The following MAF variants were observed in gnomAD, a reference collection of about 807,000 sequenced individuals.
MAF encodes transcription factor Maf.
A neutral mutation model predicts 22.0 loss-of-function variants in MAF; 10 were observed. The observed-to-expected ratio is 0.45, with a 90% CI of 0.28 to 0.77. MAF has a LOEUF of 0.77. Among genes scored for constraint, MAF ranks in the 30% least tolerant of loss-of-function variants. MAF has a pLI of 0.12. For missense variants in MAF, 544 were observed against 548.4 expected, an observed-to-expected ratio of 0.99 and a Z score of 0.08; for synonymous variants, 337 against 255.8, an observed-to-expected ratio of 1.32 and a Z score of -3.03.
chr16:79,450,180 T>C, the MAF span, among the ~76,000 whole-genome samples: 4 of 152,316 alleles, frequency 2.6e-5, no homozygotes, highest in Admixed American at 2.6e-4. Context: ...ACGAGTAAAG[T>C]GTTGTTTAAA....
At chr16:79,310,103 C>A in the MAF span, among the ~76,000 whole-genome samples, 1 of 152,052 alleles carries the variant, frequency 6.6e-6, no homozygotes, top group African/African-American at 2.4e-5. Context: ...GTGAGCATTT[C>A]CCCCCCGATT....
the MAF span, among the ~76,000 whole-genome samples, chr16:79,485,108 G>A: frequency 1.8e-4 from 27 of 152,286 alleles, no homozygotes; most frequent in Middle Eastern, 6.8e-3. Context: ...AGCATGAGAC[G>A]TGGTATAGAT....
At chr16:79,586,137 G>T (rs1290919183) in intron 1 of MAF, among the ~76,000 whole-genome samples, 1 of 152,182 alleles carries the variant, frequency 6.6e-6, no homozygotes, top group Non-Finnish European at 1.5e-5. Flanking sequence ...TGACGTGGAA[G>T]GGAATGGCCT....
At chr16:79,531,941 G>C in the MAF span, among the ~76,000 whole-genome samples, 3 of 152,138 alleles carry the variant, frequency 2.0e-5, no homozygotes, top group Non-Finnish European at 4.4e-5. Flanking sequence ...GCGGGGTTTG[G>C]ATGGTCTGGG....
chr16:79,303,437 C>G, the MAF span, among the ~76,000 whole-genome samples: 5 of 152,154 alleles, frequency 3.3e-5, no homozygotes, highest in Non-Finnish European at 5.9e-5. Flanking sequence ...GCACGGGGCT[C>G]TCAACACTAC....
chr16:79,376,327 C>T, the MAF span, among the ~76,000 whole-genome samples: 1 of 151,972 alleles, frequency 6.6e-6, no homozygotes, highest in Non-Finnish European at 1.5e-5. Context: ...TGCTTTTCTT[C>T]AATCTTCTCT....
At chr16:79,281,345 A>T in the MAF span, among the ~76,000 whole-genome samples, 1 of 152,156 alleles carries the variant, frequency 6.6e-6, no homozygotes, top group Non-Finnish European at 1.5e-5. Context: ...AAAGAGTTAG[A>T]AAATACAATC....
At chr16:79,346,150 G>C in the MAF span, among the ~76,000 whole-genome samples, 2 of 151,852 alleles carry the variant, frequency 1.3e-5, no homozygotes, top group East Asian at 1.9e-4. Context: ...TTAGCATTAG[G>C]TGTATCTCCT....
the MAF span, chr16:79,211,694 C>T: frequency 2.5e-6 from 4 of 1,614,140 alleles, no homozygotes; most frequent in Admixed American, 3.3e-5. Flanking sequence ...ACTGCTGCCG[C>T]TGCATGCCCT....
chr16:79,212,144 G>C, the MAF span: 6 of 1,516,886 alleles, frequency 4.0e-6, no homozygotes, highest in Non-Finnish European at 4.4e-6. Context: ...AGGTCCCCTC[G>C]TCCCATCCAG....
At chr16:79,455,877 G>A in the MAF span, among the ~76,000 whole-genome samples, 1 of 152,120 alleles carries the variant, frequency 6.6e-6, no homozygotes, top group Non-Finnish European at 1.5e-5. Flanking sequence ...AGTTAGCCGG[G>A]TGTGGAGGCG....
the MAF span, among the ~76,000 whole-genome samples, chr16:79,375,980 C>A: frequency 6.6e-6 from 1 of 152,086 alleles, no homozygotes; most frequent in Non-Finnish European, 1.5e-5. Flanking sequence ...GAATCCTTCA[C>A]AATGGAAAAC....
Position 79,594,282 on chromosome 16 carries a change from T to C in MAF, c.*178A>G. 1.5e-6 allele frequency: 1 copy of C among 648,714 alleles called. No homozygotes were observed. The highest frequency in any genetic ancestry group is 1.9e-5 in the South Asian group (1 of 53,354). The allele number at this position is 648,714 out of a possible 1,614,324, so 40.2% of individuals were successfully genotyped here. A position where few individuals can be genotyped will look rare whatever the true frequency, so the allele number is the denominator to read the frequency against. ...AGGAGTGCGCTTTCCTACCGGTCTCTATGAAACCCCCAGACAAGAGGCATA... is the reference window on the plus strand; with the variant it reads ...AGGAGTGCGCTTTCCTACCGGTCTCCATGAAACCCCCAGACAAGAGGCATA... On this transcript the variant is annotated 3_prime_UTR_variant, in exon 2 of 2. Coordinates refer to ENST00000326043, the MANE Select transcript of MAF (RefSeq NM_005360.5).
At position 79,594,079 on chromosome 16, in the gene MAF, A is replaced by G. The variant is rs949564923; in HGVS notation, c.*381T>C. On this transcript the variant is annotated 3_prime_UTR_variant, in exon 2 of 2. Coordinates refer to ENST00000326043, the MANE Select transcript of MAF (RefSeq NM_005360.5). ...AAACAATGAAGCATGAAAAAGTACT[A>G]TTTAGAATGTGCATGCCTATATATG... The G allele has an allele frequency of 1.2e-5, 3 of 248,660 alleles. No homozygotes were observed. The highest frequency in any genetic ancestry group is 2.2e-5 in the African/African-American group (1 of 45,124). 15.4% of individuals were successfully genotyped at this position (248,660 alleles called of 1,614,324 possible).
the MAF span, chr16:79,264,619 T>C: frequency 6.6e-6 from 1 of 152,142 alleles, no homozygotes; most frequent in Admixed American, 6.5e-5. Context: ...TTTTGCTGAG[T>C]CAGACAAAAG....
the MAF span, among the ~76,000 whole-genome samples, chr16:79,426,329 T>C: frequency 0.12 from 17,556 of 152,316 alleles, 1,230 homozygotes; most frequent in South Asian, 0.3. Context: ...TTACATGACA[T>C]GATAATACCT....
At chr16:79,439,519 C>A in the MAF span, among the ~76,000 whole-genome samples, 97 of 152,224 alleles carry the variant, frequency 6.4e-4, no homozygotes, top group African/African-American at 2.3e-3. Context: ...CTCGGCCTCC[C>A]AAAGTGCCGG....
the MAF span, among the ~76,000 whole-genome samples, chr16:79,287,961 C>A: frequency 6.6e-6 from 1 of 152,198 alleles, no homozygotes. Flanking sequence ...CATTATGTGC[C>A]AAACAACATG....
At chr16:79,580,398 T>C in the MAF span, among the ~76,000 whole-genome samples, 1 of 152,204 alleles carries the variant, frequency 6.6e-6, no homozygotes, top group Admixed American at 6.5e-5. Context: ...CTGACTAGAA[T>C]GCCTAGGACA....
Sources: allele counts gnomAD v4.1 joint callset (sites outside exome capture counted in the v4.1 genomes callset), GRCh38; gene constraint gnomAD v4.1.1; transcripts MANE v1.5; gene names NCBI Gene and HGNC (gene_info 2026-07-23, HGNC 2026-07-21).